KIF1B: variants seen among roughly 807,000 people sequenced by gnomAD.
The protein encoded by KIF1B is kinesin family member 1B.
KIF1B carries 76 observed loss-of-function variants against 241.9 expected under a neutral mutation model. The ratio of observed to expected loss-of-function variants is 0.31; its 90% CI spans 0.26 to 0.38. The LOEUF (loss-of-function observed/expected upper bound fraction) is 0.38. KIF1B is among the 10% of genes least tolerant of loss of function. KIF1B has a pLI of 1.00. For synonymous variants in KIF1B, 750 were observed against 796.7 expected (o/e 0.94, Z 0.99); for missense variants, 1,622 against 2,271.4 (o/e 0.71, Z 5.81).
At chr1:10,328,012 C>A (rs868223873) in intron 27 of KIF1B, among the ~76,000 whole-genome samples, 14 of 152,106 alleles carry the variant, frequency 9.2e-5, no homozygotes, top group Non-Finnish European at 4.4e-5. Context: ...CATAGTGAGA[C>A]CCTGTCTCTT....
At chr1:10,238,996 TG>T (rs1427888171) in intron 2 of KIF1B, among the ~76,000 whole-genome samples, 1 of 152,296 alleles carries the variant, frequency 6.6e-6, no homozygotes, top group African/African-American at 2.4e-5. Context: ...TCACCCATGC[TG>T]GAGTGCCGTG....
In KIF1B at chr1:10,303,167, C is replaced by A; in HGVS notation, c.2115+5921C>A. The A allele has an allele frequency of 6.2e-7, 1 of 1,611,226 alleles. No individual in the cohort carries two copies. The highest frequency in any genetic ancestry group is 1.1e-5 in the South Asian group (1 of 90,352). On this transcript the variant is annotated intron_variant, in intron 22 of 48. Coordinates refer to ENST00000676179, the MANE Select transcript of KIF1B (RefSeq NM_001365951.3). This position sits in a 1 kb window ranked among gnomAD's most constrained non-coding sequence, Gnocchi z 5.2. ...TTTGATTTTGTTTTTCCAAAGGACG[C>A]GGATTCTGATAGCGGGGACGATTCT...
chr1:10,355,739 G>A (rs775884514), intron 38 of KIF1B, among the ~76,000 whole-genome samples: 28 of 152,056 alleles, frequency 1.8e-4, no homozygotes, highest in Non-Finnish European at 2.6e-4. Context: ...TCTTCTCTCC[G>A]TCAAAAGCAT....
intron 22 of KIF1B, among the ~76,000 whole-genome samples, chr1:10,299,738 G>A (rs1293800575): frequency 2.0e-5 from 3 of 152,102 alleles, no homozygotes; most frequent in African/African-American, 7.2e-5. Context: ...TAGTGCTCTA[G>A]GATACCCTGG....
In KIF1B at chr1:10,337,278, A is replaced by G. The variant is rs188302842; in HGVS notation, c.3259+75A>G. ...AATATTGACCATTATCAAGGGACATAGTGGCCTTCATCAACTAGGAATGGA... is the reference window on the plus strand; with the variant it reads ...AATATTGACCATTATCAAGGGACATGGTGGCCTTCATCAACTAGGAATGGA... On this transcript the variant is annotated intron_variant, in intron 30 of 48. Transcript: ENST00000676179. The surrounding 1 kb of genome is among the most constrained non-coding windows in gnomAD (Gnocchi z 4.0). 3.1e-6 allele frequency: 5 copies of G among 1,612,188 alleles called. No homozygotes were observed. The African/African-American group carries it at 6.7e-5, about 21-fold the overall frequency.
chr1:10,246,554 G>C (rs1205221308), intron 2 of KIF1B, among the ~76,000 whole-genome samples: 1 of 152,130 alleles, frequency 6.6e-6, no homozygotes, highest in East Asian at 1.9e-4. Flanking sequence ...GACCAGCCTG[G>C]CCAACGTGGT....
In KIF1B at chr1:10,365,614, G is replaced by A; in HGVS notation, c.4718G>A (p.Ser1573Asn). Residue 1573 changes from serine to asparagine, a missense_variant, in exon 43 of 49, where the codon AGC (serine) becomes AAC (asparagine). This residue lies in a region of KIF1B where 357 missense variants were observed against 409.0 expected (regional missense o/e 0.87). Transcript: ENST00000676179. This position sits in a 1 kb window ranked among gnomAD's most constrained non-coding sequence, Gnocchi z 4.0. ...GGCTATGATTCAGGAGACATCGAAA[G>A]CCTGGTGGACCGAGAGAAAGAGCTG... Reference protein sequence around the residue: ...SSGYDSGDIESLVDREKELAT... With the variant: ...SSGYDSGDIENLVDREKELAT... The A allele has an allele frequency of 6.2e-7, 1 of 1,614,164 alleles. No homozygotes were observed.
intron 22 of KIF1B, among the ~76,000 whole-genome samples, chr1:10,319,523 C>T (rs1014595596): frequency 6.6e-6 from 1 of 152,192 alleles, no homozygotes; most frequent in Non-Finnish European, 1.5e-5. Context: ...AGGCTAAACT[C>T]ATCCTACTGA....
intron 2 of KIF1B, among the ~76,000 whole-genome samples, chr1:10,240,755 G>C (rs74517399): frequency 0.018 from 2,134 of 118,024 alleles, 57 homozygotes; most frequent in African/African-American, 0.062. Flanking sequence ...TAGAGACAGA[G>C]TTCTCACTTT....
chr1:10,324,433 G>A (rs772934568), intron 25 of KIF1B, among the ~76,000 whole-genome samples: 1 of 152,096 alleles, frequency 6.6e-6, no homozygotes, highest in Non-Finnish European at 1.5e-5. Flanking sequence ...TTTACATGTA[G>A]TATAATGAGG....
chr1:10,267,268 TC>T lies in KIF1B; in HGVS notation c.430-110del, dbSNP rs1648518772. The T allele has an allele frequency of 6.1e-6, 5 of 819,432 alleles. No homozygotes were observed. In the South Asian group the frequency reaches 7.1e-5, roughly 12 times the overall value. The allele number at this position is 819,432 out of a possible 1,614,324, so 50.8% of individuals were successfully genotyped here. A position where few individuals can be genotyped will look rare whatever the true frequency, so the allele number is the denominator to read the frequency against. ...TCGTAGTTCGAGTGATCTCAAGTGATCCGCCCTCCTTGGCCTCCCAAAGTGC... is the reference window on the plus strand; with the variant it reads ...TCGTAGTTCGAGTGATCTCAAGTGATCGCCCTCCTTGGCCTCCCAAAGTGC... On this transcript the variant is annotated intron_variant, in intron 5 of 48. Transcript: ENST00000676179.
chr1:10,236,306 A>AACAACAAC (rs1553161281), intron 2 of KIF1B, among the ~76,000 whole-genome samples: 5,613 of 148,762 alleles, frequency 0.038, 163 homozygotes, highest in East Asian at 0.11. Flanking sequence ...ACAACAACAA[A>AACAACAAC]AACCCATATA....
chr1:10,330,935 T>C (rs568106595), intron 27 of KIF1B, among the ~76,000 whole-genome samples: 22 of 152,172 alleles, frequency 1.4e-4, no homozygotes, highest in African/African-American at 5.1e-4. Flanking sequence ...TATGAGAAAG[T>C]GGTGTTTGAA....
chr1:10,293,019 A>G (rs1028508712), intron 17 of KIF1B, among the ~76,000 whole-genome samples: 3 of 151,454 alleles, frequency 2.0e-5, no homozygotes, highest in African/African-American at 7.3e-5. Context: ...CTTTTATGTG[A>G]TATGAAATAT....
In KIF1B at chr1:10,280,470, G is replaced by A. The variant is rs138069568; in HGVS notation, c.1222+1332G>A. ...AGGATGGTCTCAATCTCTTGACCTCGTGATCCTCCTGCCTTGGCCTCCCAA... is the reference window on the plus strand; with the variant it reads ...AGGATGGTCTCAATCTCTTGACCTCATGATCCTCCTGCCTTGGCCTCCCAA... On this transcript the variant is annotated intron_variant, in intron 14 of 48. Coordinates refer to ENST00000676179, the MANE Select transcript of KIF1B (RefSeq NM_001365951.3). 2.7e-4 allele frequency among the ~76,000 whole-genome samples: 41 copies of A among 152,142 alleles called. No individual in the cohort carries two copies. The East Asian group carries it at 3.5e-3, about 13-fold the overall frequency.
Position 10,361,832 on chromosome 1 carries a change from T to G in KIF1B, c.4304+7T>G. 6.2e-7 allele frequency: 1 copy of G among 1,613,564 alleles called. No individual in the cohort carries two copies. Among genetic ancestry groups the G allele is most frequent in the Non-Finnish European group, 8.5e-7 (1 of 1,180,008 alleles). ...ACTCAAAGTCACCAGATTCGTAAGTTTTTCACACAAGTTAGCTTCCAGTGT... is the reference window on the plus strand; with the variant it reads ...ACTCAAAGTCACCAGATTCGTAAGTGTTTCACACAAGTTAGCTTCCAGTGT... On this transcript the variant is annotated splice_region_variant and intron_variant, in intron 40 of 48. Coordinates refer to ENST00000676179, the MANE Select transcript of KIF1B (RefSeq NM_001365951.3).
intron 32 of KIF1B, among the ~76,000 whole-genome samples, chr1:10,340,337 G>C (rs768446960): frequency 3.3e-5 from 5 of 152,112 alleles, no homozygotes; most frequent in Non-Finnish European, 5.9e-5. Context: ...TTCCTACGTG[G>C]AGTAAGAAAA....
chr1:10,372,375 AAAAT>A (rs1638754648), intron 45 of KIF1B, among the ~76,000 whole-genome samples: 1 of 151,892 alleles, frequency 6.6e-6, no homozygotes, highest in South Asian at 2.1e-4. Flanking sequence ...ATCTCTACAA[AAAAT>A]AAATAAAATA....
At chr1:10,222,369 G>A (rs1395849180) in intron 1 of KIF1B, among the ~76,000 whole-genome samples, 1 of 152,154 alleles carries the variant, frequency 6.6e-6, no homozygotes, top group Non-Finnish European at 1.5e-5. Context: ...GCTGAGACAG[G>A]GGAGGTAGGT....
Sources: allele counts gnomAD v4.1 joint callset (sites outside exome capture counted in the v4.1 genomes callset), GRCh38; gene constraint gnomAD v4.1.1; regional missense constraint gnomAD v4.1.1; non-coding constraint Gnocchi (gnomAD v3.1); transcripts MANE v1.5; gene names NCBI Gene and HGNC (gene_info 2026-07-23, HGNC 2026-07-21).